The following ZNF625 variants were observed in gnomAD, a reference collection of about 807,000 sequenced individuals.
The protein encoded by ZNF625 is zinc finger protein 625.
In ZNF625, 8 loss-of-function variants were observed where a neutral mutation model predicts 11.1. That is an observed-to-expected ratio of 0.72 (90% confidence interval 0.42 to 1.30). ZNF625 has a LOEUF of 1.30. Among genes scored for constraint, ZNF625 ranks in the 50% most tolerant of loss-of-function variants. The probability of loss-of-function intolerance (pLI) is 0.01; values close to 1 mark genes in which losing one functional copy is unlikely to be tolerated. For synonymous variants in ZNF625, 145 were observed against 153.4 expected (o/e 0.95, Z 0.41); for missense variants, 349 against 447.6 (o/e 0.78, Z 1.99).
intron 1 of ZNF625, among the ~76,000 whole-genome samples, chr19:12,155,574 G>A (rs953164137): frequency 1.3e-5 from 2 of 152,054 alleles, no homozygotes; most frequent in Admixed American, 6.6e-5. Context: ...TTCCTGTCTC[G>A]CTGAAATGAA....
chr19:12,145,087 C>T lies in ZNF625; in HGVS notation c.*210G>A, dbSNP rs1428605505. ...GGTGTGTCTCTCTTAAGAGTTATTT[C>T]CAACTCTGTGTCCTAGGTATCTGAG... On this transcript the variant is annotated 3_prime_UTR_variant, in exon 4 of 4. Transcript: ENST00000439556. 5.0e-6 allele frequency: 3 copies of T among 600,946 alleles called. No individual in the cohort carries two copies. The highest frequency in any genetic ancestry group is 8.8e-6 in the Non-Finnish European group (3 of 339,008). The allele number at this position is 600,946 out of a possible 1,614,324, so 37.2% of individuals were successfully genotyped here.
rs1977033636 is a variant in ZNF625 at position 12,156,702 on chromosome 19, T to A, written c.-144A>T. 5 of 760,368 alleles carry A rather than the reference T, an allele frequency of 6.6e-6. No individual in the cohort carries two copies. Among genetic ancestry groups the A allele is most frequent in the Non-Finnish European group, 9.0e-6 (5 of 554,136 alleles). 47.1% of individuals were successfully genotyped at this position (760,368 alleles called of 1,614,324 possible). On this transcript the variant is annotated 5_prime_UTR_variant, in exon 1 of 4. Transcript: ENST00000439556. ...GAAAACCGAGATCCCGACCTCCCTT[T>A]GGTGCAAGACGCCTGGGAGTCAGGA...
At chr19:12,155,638 C>T (rs1977015907) in intron 1 of ZNF625, among the ~76,000 whole-genome samples, 1 of 152,184 alleles carries the variant, frequency 6.6e-6, no homozygotes, top group South Asian at 2.1e-4. Flanking sequence ...AGGCTACATG[C>T]GGTTGTTTCC....
In ZNF625 at chr19:12,152,306, T is replaced by C. The variant is rs141006357; in HGVS notation, c.3+4250A>G. Among the ~76,000 whole-genome samples the C allele has an allele frequency of 6.5e-3, 987 of 152,196 alleles. 14 individuals are homozygous for C. Among genetic ancestry groups the C allele is most frequent in the African/African-American group, 0.023 (934 of 41,504 alleles). ...AATGCTAGATTCTATTAAAATACTG[T>C]ACATGAATATCTCCTTTAAATTTCA... On this transcript the variant is annotated intron_variant, in intron 1 of 3. Transcript: ENST00000439556.
chr19:12,147,247 G>C, intron 3 of ZNF625, 148 bp downstream of exon 3: 1 of 689,678 alleles, frequency 1.4e-6, no homozygotes, highest in Non-Finnish European at 2.4e-6. Flanking sequence ...GATTACAGGC[G>C]TGAGCCACCA....
intron 1 of ZNF625, among the ~76,000 whole-genome samples, chr19:12,150,779 G>A (rs911343540): frequency 6.6e-6 from 1 of 152,192 alleles, no homozygotes; most frequent in Admixed American, 6.5e-5. Flanking sequence ...AGGGTGTCCT[G>A]AGAGTATCTC....
chr19:12,154,020 G>A (rs986925937), intron 1 of ZNF625, among the ~76,000 whole-genome samples: 16 of 151,812 alleles, frequency 1.1e-4, no homozygotes, highest in Admixed American at 9.2e-4. Flanking sequence ...TGTTAGCCAG[G>A]ATGGTCTCAA....
At chr19:12,156,284 C>T (rs1231662279) in intron 1 of ZNF625, among the ~76,000 whole-genome samples, 2 of 152,228 alleles carry the variant, frequency 1.3e-5, no homozygotes, top group East Asian at 1.9e-4. Context: ...CGCGGGACTA[C>T]GGGCGCGGAG....
intron 1 of ZNF625, among the ~76,000 whole-genome samples, chr19:12,155,250 AC>A (rs1211827612): frequency 1.3e-5 from 2 of 151,920 alleles, no homozygotes; most frequent in African/African-American, 4.8e-5. Flanking sequence ...CTGCAAAGAA[AC>A]CCTTTGTACC....
At chr19:12,148,146 A>C (rs1337913975) in intron 1 of ZNF625, among the ~76,000 whole-genome samples, 2 of 151,942 alleles carry the variant, frequency 1.3e-5, no homozygotes, top group South Asian at 2.1e-4. Context: ...CGCACAACTA[A>C]TTTTTGTATT....
chr19:12,156,344 C>T (rs984709960), intron 1 of ZNF625, among the ~76,000 whole-genome samples: 4 of 152,186 alleles, frequency 2.6e-5, no homozygotes, highest in Admixed American at 6.5e-5. Flanking sequence ...GTCGCAGTCG[C>T]AGCGCAGAGA....
At chr19:12,153,683 C>CAAA (rs71166658) in intron 1 of ZNF625, among the ~76,000 whole-genome samples, 23 of 121,904 alleles carry the variant, frequency 1.9e-4, no homozygotes, top group South Asian at 1.0e-3. Flanking sequence ...GTCTCTGTGT[C>CAAA]AAAAAAAAAA....
intron 1 of ZNF625, among the ~76,000 whole-genome samples, chr19:12,148,973 T>A (rs535560746): frequency 1.2e-4 from 18 of 150,830 alleles, no homozygotes; most frequent in Non-Finnish European, 2.1e-4. Flanking sequence ...TATTTTCAAT[T>A]AAAAAAAAAT....
intron 1 of ZNF625, among the ~76,000 whole-genome samples, chr19:12,153,075 G>A (rs576063799): frequency 3.9e-5 from 6 of 152,034 alleles, no homozygotes; most frequent in African/African-American, 7.2e-5. Context: ...AAGCCTAGGC[G>A]GGACGCGGTG....
intron 3 of ZNF625, 106 bp from the exon 4 acceptor site, chr19:12,146,330 G>C (rs1976872476): frequency 9.3e-7 from 1 of 1,070,814 alleles, no homozygotes; most frequent in Non-Finnish European, 1.4e-6. Flanking sequence ...GCAATGTGTA[G>C]GCTTTCTGCC....
rs1357836548 is a variant in ZNF625, at chr19:12,145,750, T to A, written c.666A>T (p.Lys222Asn). The A allele has an allele frequency of 6.2e-7, 1 of 1,614,008 alleles. No individual in the cohort carries two copies. The highest frequency in any genetic ancestry group is 1.7e-5 in the Admixed American group (1 of 59,994). The change falls in exon 4 of 4, where the codon AAA (lysine) becomes AAT (asparagine). Residue 222 changes from lysine to asparagine, a missense_variant. Physicochemically the swap from Lys to Asn is moderately conservative, Grantham distance 94. Transcript: ENST00000439556. ...THTGEKPYEC[K>N]QCGKAFSHSG... ...AATGACTAAAGGCTTTACCACACTGTTTACATTCATATGGTTTCTCTCCAG... is the reference window on the plus strand; with the variant it reads ...AATGACTAAAGGCTTTACCACACTGATTACATTCATATGGTTTCTCTCCAG...
chr19:12,153,851 A>T (rs1247595629), intron 1 of ZNF625, among the ~76,000 whole-genome samples: 4 of 111,842 alleles, frequency 3.6e-5, no homozygotes, highest in African/African-American at 1.5e-4. Flanking sequence ...TCTGTCCCCC[A>T]GGCTGGAGTG....
intron 3 of ZNF625, 60 bp from the exon 4 acceptor site, chr19:12,146,284 A>G (rs1976871799): frequency 2.0e-6 from 3 of 1,473,290 alleles, no homozygotes; most frequent in Non-Finnish European, 2.8e-6. Flanking sequence ...GATATTCATT[A>G]ACAAGTCATT....
At chr19:12,153,746 G>A (rs548226569) in intron 1 of ZNF625, among the ~76,000 whole-genome samples, 10 of 150,358 alleles carry the variant, frequency 6.7e-5, no homozygotes, top group South Asian at 4.2e-4. Flanking sequence ...TGCCCATACC[G>A]GTGTACAAAC....
Sources: allele counts gnomAD v4.1 joint callset (sites outside exome capture counted in the v4.1 genomes callset), GRCh38; gene constraint gnomAD v4.1.1; transcripts MANE v1.5; gene names NCBI Gene and HGNC (gene_info 2026-07-23, HGNC 2026-07-21).